ANKDD1A: variants seen among roughly 807,000 people sequenced by gnomAD.
ANKDD1A encodes ankyrin repeat and death domain containing 1A.
ANKDD1A carries 59 observed loss-of-function variants against 63.5 expected under a neutral mutation model. The observed-to-expected ratio is 0.93, with a 90% CI of 0.75 to 1.15. The LOEUF is 1.15. Among genes scored for constraint, ANKDD1A ranks in the 50% most tolerant of loss-of-function variants. The pLI is 0.00. For synonymous variants in ANKDD1A, 266 were observed against 263.9 expected (o/e 1.01, Z -0.08); for missense variants, 632 against 656.4 (o/e 0.96, Z 0.41).
At chr15:64,926,287 G>A (rs762982403) in intron 5 of ANKDD1A, 117 bp downstream of exon 5, 141 of 1,036,830 alleles carry the variant, frequency 1.4e-4, no homozygotes, top group Non-Finnish European at 1.9e-4. Context: ...TGGGCATATT[G>A]CACCTGGCCT....
chr15:64,954,305 C>CCTTCT (rs2085379849), intron 14 of ANKDD1A, among the ~76,000 whole-genome samples: 1 of 140,718 alleles, frequency 7.1e-6, no homozygotes, highest in Non-Finnish European at 1.5e-5. Flanking sequence ...CTTTTCTTCT[C>CCTTCT]CTTCTCTTCC....
At chr15:64,944,986 C>T (rs1357944074) in intron 12 of ANKDD1A, among the ~76,000 whole-genome samples, 3 of 152,230 alleles carry the variant, frequency 2.0e-5, no homozygotes, top group Non-Finnish European at 4.4e-5. Context: ...TACTGCTGGA[C>T]ACTGCTGTAG....
chr15:64,938,072 T>C (rs1211782863), intron 9 of ANKDD1A, among the ~76,000 whole-genome samples: 1 of 152,134 alleles, frequency 6.6e-6, no homozygotes, highest in Non-Finnish European at 1.5e-5. Flanking sequence ...TAGTATTGGA[T>C]TGTAATCCAA....
At chr15:64,951,696 C>CCTTATTCTTTTCTTT (rs1211808344) in intron 14 of ANKDD1A, among the ~76,000 whole-genome samples, 2 of 16,074 alleles carry the variant, frequency 1.2e-4, no homozygotes, top group Non-Finnish European at 4.3e-4. Context: ...TCTTCCTCTT[C>CCTTATTCTTTTCTTT]TTCTTCCTTA....
In ANKDD1A at chr15:64,954,883, C is replaced by T. The variant is rs28890235; in HGVS notation, c.1484-2220C>T. 2.5e-3 allele frequency among the ~76,000 whole-genome samples: 136 copies of T among 53,632 alleles called. 1 individual carries two copies. Among genetic ancestry groups the T allele is most frequent in the East Asian group, 0.024 (34 of 1,446 alleles). The allele number at this position is 53,632 out of a possible 152,430, so 35.2% of individuals were successfully genotyped here. On this transcript the variant is annotated intron_variant, in intron 14 of 14. Transcript: ENST00000319580. ...TTCTTCTCCTTTTCTTCTTCCTTCT[C>T]CTCCTCCTTCTTCCTTCTTCTCTTG...
chr15:64,952,354 C>T (rs2085305549), intron 14 of ANKDD1A, among the ~76,000 whole-genome samples: 1 of 138,074 alleles, frequency 7.2e-6, no homozygotes, highest in Non-Finnish European at 1.5e-5. Flanking sequence ...CTTAGTTCTT[C>T]CTCCTTCTTC....
intron 12 of ANKDD1A, among the ~76,000 whole-genome samples, chr15:64,946,242 A>G (rs2085221663): frequency 6.6e-6 from 1 of 152,160 alleles, no homozygotes; most frequent in Non-Finnish European, 1.5e-5. Context: ...AATTATCCTA[A>G]TAAGACCATT....
At chr15:64,927,026 C>T (rs2085050694) in intron 6 of ANKDD1A, 27 bp downstream of exon 6, 2 of 1,612,886 alleles carry the variant, frequency 1.2e-6, no homozygotes, top group African/African-American at 2.7e-5. Flanking sequence ...GCTCTGGGAT[C>T]CTGACCAGGG....
In ANKDD1A at chr15:64,935,485, A is replaced by C. The variant is rs963094892; in HGVS notation, c.867+1251A>C. Among the ~76,000 whole-genome samples the C allele has an allele frequency of 1.3e-4, 20 of 151,986 alleles. No individual in the cohort carries two copies. The South Asian group carries it at 1.9e-3, about 14-fold the overall frequency. ...GGTCAGGAGATCGAGACCATCCTGG[A>C]TAACATGGTGAAACCCCATCTCTAC... On this transcript the variant is annotated intron_variant, in intron 9 of 14. Transcript: ENST00000319580.
chr15:64,953,532 TCC>T (rs2085344424), intron 14 of ANKDD1A, among the ~76,000 whole-genome samples: 1 of 89,130 alleles, frequency 1.1e-5, no homozygotes. Flanking sequence ...TTCCTTCTTC[TCC>T]TCTCCTTCTT....
intron 13 of ANKDD1A, among the ~76,000 whole-genome samples, chr15:64,948,242 T>C (rs976491457): frequency 3.3e-5 from 5 of 152,198 alleles, no homozygotes; most frequent in African/African-American, 4.8e-5. Flanking sequence ...AGATGACACA[T>C]ATGAATAAAA....
chr15:64,951,080 A>G, intron 14 of ANKDD1A: 1 of 1,201,108 alleles, frequency 8.3e-7, no homozygotes, highest in Non-Finnish European at 1.1e-6. Context: ...ACAGAAGATG[A>G]CCATCATTTA....
chr15:64,922,036 T>C lies in ANKDD1A; in HGVS notation c.366+17T>C. ...GAGAGCAAGGTAAGGCCTCAGCTGG[T>C]AGACCCCTGTCCCCTCGGCTCCCCT... On this transcript the variant is annotated intron_variant, in intron 4 of 14. Transcript: ENST00000319580. 6.2e-7 allele frequency: 1 copy of C among 1,611,528 alleles called. No homozygotes were observed. Among genetic ancestry groups the C allele is most frequent in the South Asian group, 1.1e-5 (1 of 90,888 alleles).
rs1340271795 is a variant in ANKDD1A at position 64,927,016 on chromosome 15, G to T, written c.570+17G>T. Reference sequence around the variant, plus strand: ...AAAGACAAGGTACCGTGTCCGTGAGGCTCTGGGATCCTGACCAGGGTGCAA... The same window carrying T: ...AAAGACAAGGTACCGTGTCCGTGAGTCTCTGGGATCCTGACCAGGGTGCAA... On this transcript the variant is annotated intron_variant, in intron 6 of 14. Coordinates refer to ENST00000319580, the MANE Select transcript of ANKDD1A (RefSeq NM_182703.6). 1.2e-6 allele frequency: 2 copies of T among 1,613,704 alleles called. No individual in the cohort carries two copies. Among genetic ancestry groups the T allele is most frequent in the Non-Finnish European group, 1.7e-6 (2 of 1,179,740 alleles).
At position 64,943,588 on chromosome 15, in the gene ANKDD1A, T is replaced by C. The variant is rs1365375287; in HGVS notation, c.1065+6T>C. 7 of 1,613,748 alleles carry C rather than the reference T, an allele frequency of 4.3e-6. No homozygotes were observed. Among genetic ancestry groups the C allele is most frequent in the Non-Finnish European group, 5.9e-6 (7 of 1,179,748 alleles). On this transcript the variant is annotated splice_donor_region_variant and intron_variant, in intron 11 of 14. Transcript: ENST00000319580. ...ACTTAAACCTGAGAGATAAGGTACC[T>C]CTGCTTACAACCCACCTCGCTTCAG...
At position 64,917,488 on chromosome 15, in the gene ANKDD1A, G is replaced by A. The variant is rs1445962626; in HGVS notation, c.241G>A (p.Gly81Arg). The change falls in exon 3 of 15, where the codon GGG (glycine) becomes AGG (arginine). Residue 81 changes from glycine to arginine, a missense_variant. Physicochemically the swap from Gly to Arg is moderately radical, Grantham distance 125 (BLOSUM62 -2). Coordinates refer to ENST00000319580, the MANE Select transcript of ANKDD1A (RefSeq NM_182703.6). Reference protein sequence around the residue: ...EAAVDEEDAVGALTEARLCFG... With the variant: ...EAAVDEEDAVRALTEARLCFG... ...TGCTGTGGACGAGGAGGATGCGGTAGGGGCCCTCACAGAGGCACGTCTGTG... is the reference window on the plus strand; with the variant it reads ...TGCTGTGGACGAGGAGGATGCGGTAAGGGCCCTCACAGAGGCACGTCTGTG... The A allele has an allele frequency of 6.3e-7, 1 of 1,590,876 alleles. No homozygotes were observed. Among genetic ancestry groups the A allele is most frequent in the Admixed American group, 1.8e-5 (1 of 55,962 alleles).
intron 14 of ANKDD1A, among the ~76,000 whole-genome samples, chr15:64,951,686 TC>T (rs2085282571): frequency 1.4e-5 from 2 of 141,780 alleles, no homozygotes; most frequent in African/African-American, 5.1e-5. Flanking sequence ...CCTTCTTTCT[TC>T]TTCCTCTTCT....
chr15:64,954,122 CCTTT>C lies in ANKDD1A; in HGVS notation c.1484-2977_1484-2974del, dbSNP rs1431403531. Among the ~76,000 whole-genome samples the C allele has an allele frequency of 2.3e-5, 3 of 130,588 alleles. No homozygotes were observed. In the Admixed American group the frequency reaches 2.5e-4, roughly 11 times the overall value. 85.7% of individuals were successfully genotyped at this position (130,588 alleles called of 152,430 possible). ...CTCTTTTCTTCTTCCTTTCTTTTCTCCTTTCTTCTTCCTCTTTCTTCTTGTTCCT... is the reference window on the plus strand; with the variant it reads ...CTCTTTTCTTCTTCCTTTCTTTTCTCCTTCTTCCTCTTTCTTCTTGTTCCT... On this transcript the variant is annotated intron_variant, in intron 14 of 14. Transcript: ENST00000319580.
chr15:64,934,474 T>G (rs2085111812), intron 9 of ANKDD1A, among the ~76,000 whole-genome samples: 1 of 151,608 alleles, frequency 6.6e-6, no homozygotes, highest in African/African-American at 2.4e-5. Context: ...TGCTCGTTTA[T>G]GCATTGGGGC....
Sources: allele counts gnomAD v4.1 joint callset (sites outside exome capture counted in the v4.1 genomes callset), GRCh38; gene constraint gnomAD v4.1.1; transcripts MANE v1.5; gene names NCBI Gene and HGNC (gene_info 2026-07-23, HGNC 2026-07-21).